Variants in PRKAR1A observed in about 807,000 individuals in gnomAD.
PRKAR1A encodes the protein cAMP-dependent protein kinase type I-alpha regulatory subunit.
In PRKAR1A, 3 loss-of-function variants were observed where a neutral mutation model predicts 52.0. The observed-to-expected ratio is 0.06, with a 90% confidence interval of 0.03 to 0.15. PRKAR1A has a LOEUF of 0.15. Among genes scored for constraint, PRKAR1A ranks in the 10% least tolerant of loss-of-function variants. The pLI is 1.00. For missense variants in PRKAR1A, 240 were observed against 477.4 expected (o/e 0.50, Z 4.63); for synonymous variants, 188 against 168.4 (o/e 1.12, Z -0.90).
the PRKAR1A span, among the ~76,000 whole-genome samples, chr17:68,423,203 A>T: frequency 6.6e-6 from 1 of 152,208 alleles, no homozygotes; most frequent in African/African-American, 2.4e-5. This position sits in a 1 kb window ranked among gnomAD's most constrained non-coding sequence, Gnocchi z 4.4. Context: ...CTGCACAGAG[A>T]TTTGCAATAG....
chr17:68,488,035 G>A, the PRKAR1A span, among the ~76,000 whole-genome samples: 175 of 152,194 alleles, frequency 1.1e-3, 1 homozygote, highest in African/African-American at 3.9e-3. Flanking sequence ...ACGTCAGATC[G>A]TGATAAATAT....
rs1176481072 is a variant in PRKAR1A, at chr17:68,532,118, G to A, written c.*1669G>A. The A allele has an allele frequency of 4.7e-6, 5 of 1,063,772 alleles. No homozygotes were observed. The highest frequency in any genetic ancestry group is 5.7e-6 in the Non-Finnish European group (5 of 877,844). The allele number at this position is 1,063,772 out of a possible 1,614,324, so 65.9% of individuals were successfully genotyped here. On this transcript the variant is annotated 3_prime_UTR_variant, in exon 11 of 11. Transcript: ENST00000589228. ...TTAGGGTGGGTAAGAAAGCCACCTT[G>A]TTACAAATTTTTTAATTTCCAAAAT...
intron 1 of PRKAR1A, chr17:68,514,715 C>T (rs2085375153): frequency 6.6e-6 from 1 of 152,262 alleles, no homozygotes; most frequent in East Asian, 1.9e-4. Flanking sequence ...AAGAATTCTC[C>T]CCTCCCCCAA....
At chr17:68,475,701 G>A in the PRKAR1A span, among the ~76,000 whole-genome samples, 1 of 152,022 alleles carries the variant, frequency 6.6e-6, no homozygotes, top group African/African-American at 2.4e-5. Context: ...TGACCTTTAG[G>A]CAATCTGCCC....
rs2086193164 is a variant in PRKAR1A, at chr17:68,539,389, G to A, written c.973+9388G>A. 8.1e-6 allele frequency: 13 copies of A among 1,614,016 alleles called. No individual in the cohort carries two copies. Among genetic ancestry groups the A allele is most frequent in the Admixed American group, 3.3e-5 (2 of 60,002 alleles). On this transcript the variant is annotated intron_variant, in intron 11 of 11. Coordinates refer to the PRKAR1A transcript ENST00000585981. ...ATGGAGATTTCATCATGGGAGTGTC[G>A]TCCGAACCTAGGAGGAGAAACAGGC... is the stretch of plus-strand genomic sequence containing the variant.
At chr17:68,469,436 C>T in the PRKAR1A span, among the ~76,000 whole-genome samples, 15 of 152,128 alleles carry the variant, frequency 9.9e-5, no homozygotes, top group Non-Finnish European at 1.6e-4. Flanking sequence ...TGTTTACTAT[C>T]TGCCTCCTCC....
the PRKAR1A span, among the ~76,000 whole-genome samples, chr17:68,471,591 G>A: frequency 0.13 from 19,761 of 151,926 alleles, 1,324 homozygotes; most frequent in Middle Eastern, 0.17. Flanking sequence ...TTTCCGTTCC[G>A]TCTCTCTCTC....
At chr17:68,486,517 C>CTT in the PRKAR1A span, among the ~76,000 whole-genome samples, 1 of 76,420 alleles carries the variant, frequency 1.3e-5, no homozygotes, top group Non-Finnish European at 2.8e-5. Context: ...TTCTTTCTTT[C>CTT]TTTCTTTCTT....
the PRKAR1A span, among the ~76,000 whole-genome samples, chr17:68,487,088 G>T: frequency 6.6e-6 from 1 of 152,038 alleles, no homozygotes; most frequent in Non-Finnish European, 1.5e-5. Context: ...TAGCCAGGCT[G>T]GTCTCGAACT....
intron 11 of PRKAR1A, among the ~76,000 whole-genome samples, chr17:68,549,160 T>A (rs1159311730): frequency 6.6e-6 from 1 of 152,036 alleles, no homozygotes; most frequent in Non-Finnish European, 1.5e-5. Flanking sequence ...GAACTGAGAG[T>A]GGAGCTCATC....
chr17:68,430,269 A>G, the PRKAR1A span: 8 of 1,129,778 alleles, frequency 7.1e-6, no homozygotes, highest in African/African-American at 1.1e-4. Context: ...GCAGGGAGAG[A>G]CTGTGCCTTA....
At chr17:68,499,395 AG>A in the PRKAR1A span, among the ~76,000 whole-genome samples, 1 of 150,472 alleles carries the variant, frequency 6.6e-6, no homozygotes, top group Non-Finnish European at 1.5e-5. Context: ...AGAGAGAGAG[AG>A]AGAGAGAGAG....
chr17:68,527,170 A>C (rs2085818227), intron 7 of PRKAR1A, among the ~76,000 whole-genome samples: 3 of 152,220 alleles, frequency 2.0e-5, no homozygotes, highest in Admixed American at 1.3e-4. Flanking sequence ...TGGGCCTGAA[A>C]GGAAATTAGG....
At chr17:68,539,923 C>G (rs150400613) in intron 11 of PRKAR1A, 1 of 1,614,186 alleles carries the variant, frequency 6.2e-7, no homozygotes. Context: ...ACCCATCATC[C>G]CCGAACTTGG....
At chr17:68,492,057 G>A in the PRKAR1A span, among the ~76,000 whole-genome samples, 1 of 152,350 alleles carries the variant, frequency 6.6e-6, no homozygotes, top group South Asian at 2.1e-4. Flanking sequence ...TATCCGCAAG[G>A]AAGCCTGTGT....
At chr17:68,489,902 A>G in the PRKAR1A span, among the ~76,000 whole-genome samples, 1 of 152,088 alleles carries the variant, frequency 6.6e-6, no homozygotes, top group Non-Finnish European at 1.5e-5. Flanking sequence ...TTTAGATATT[A>G]CCAGGGACTG....
At chr17:68,457,327 C>CGG in the PRKAR1A span, 3 of 1,542,826 alleles carry the variant, frequency 1.9e-6, no homozygotes, top group Non-Finnish European at 2.6e-6. Context: ...TGGCAGGGGC[C>CGG]GAGTCGCAGC....
exon 12 of PRKAR1A, chr17:68,551,257 A>G (rs1469131858): frequency 1.4e-6 from 1 of 704,124 alleles, no homozygotes; most frequent in Non-Finnish European, 2.0e-6. Context: ...ATGTTTCACA[A>G]AATTTTCAAG....
At chr17:68,546,857 C>A (rs765145229) in intron 11 of PRKAR1A, among the ~76,000 whole-genome samples, 3 of 147,506 alleles carry the variant, frequency 2.0e-5, no homozygotes, top group Non-Finnish European at 4.5e-5. Context: ...AAAGGTAAGA[C>A]TTGAAAGTTA....
Sources: allele counts gnomAD v4.1 joint callset (sites outside exome capture counted in the v4.1 genomes callset), GRCh38; gene constraint gnomAD v4.1.1; non-coding constraint Gnocchi (gnomAD v3.1); transcripts MANE v1.5; gene names NCBI Gene and HGNC (gene_info 2026-07-23, HGNC 2026-07-21).